The following FAM149A variants were observed in gnomAD, a reference collection of about 807,000 sequenced individuals.
FAM149A encodes the protein family with sequence similarity 149 member A, also known as protein FAM149A.
FAM149A carries 71 observed loss-of-function variants against 78.2 expected under a neutral mutation model. The observed-to-expected ratio is 0.91, with a 90% confidence interval of 0.75 to 1.11. FAM149A has a LOEUF of 1.11. Among genes scored for constraint, FAM149A ranks in the 50% least tolerant of loss-of-function variants. The pLI, the probability that FAM149A is intolerant of heterozygous loss-of-function variation, is 0.00. For missense variants in FAM149A, 1,036 were observed against 971.0 expected (o/e 1.07, Z -0.89); for synonymous variants, 446 against 410.5 (o/e 1.09, Z -1.04).
chr4:186,129,947 G>C (rs1398352577), intron 1 of FAM149A: 1 of 152,122 alleles, frequency 6.6e-6, no homozygotes, highest in African/African-American at 2.4e-5. Flanking sequence ...GAAGATTAAA[G>C]GCCACTCTGT....
intron 1 of FAM149A, among the ~76,000 whole-genome samples, chr4:186,127,939 C>T (rs1487717039): frequency 6.7e-6 from 1 of 148,772 alleles, no homozygotes; most frequent in African/African-American, 2.5e-5. Context: ...CCTCCCCACT[C>T]ACCTTCCCAA....
chr4:186,165,249 G>T, intron 10 of FAM149A, 95 bp from the exon 11 acceptor site: 2 of 1,400,818 alleles, frequency 1.4e-6, no homozygotes, highest in South Asian at 2.4e-5. Context: ...TGCCCCTCAC[G>T]CAGAAACATT....
intron 1 of FAM149A, among the ~76,000 whole-genome samples, chr4:186,108,593 T>A (rs2099309768): frequency 6.6e-6 from 1 of 152,128 alleles, no homozygotes; most frequent in South Asian, 2.1e-4. Flanking sequence ...CTGCCCCTTT[T>A]GCTCCACAGG....
At chr4:186,150,786 ATGTC>A in intron 3 of FAM149A, 1 of 150,088 alleles carries the variant, frequency 6.7e-6, no homozygotes. Flanking sequence ...CAGTGGTGCC[ATGTC>A]GGCTCACTGC....
At chr4:186,150,357 G>GTTTTTT (rs144215601) in intron 3 of FAM149A, among the ~76,000 whole-genome samples, 1 of 129,292 alleles carries the variant, frequency 7.7e-6, no homozygotes, top group Non-Finnish European at 1.7e-5. Context: ...TATGCTGGGT[G>GTTTTTT]TTTTGTTGTT....
intron 1 of FAM149A, among the ~76,000 whole-genome samples, chr4:186,121,624 A>T (rs2099316096): frequency 6.6e-6 from 1 of 152,152 alleles, no homozygotes; most frequent in African/African-American, 2.4e-5. Context: ...GGAGACATTG[A>T]TGGCAATTGA....
chr4:186,147,928 A>G (rs756874855), intron 1 of FAM149A, among the ~76,000 whole-genome samples: 56 of 152,184 alleles, frequency 3.7e-4, no homozygotes, highest in Admixed American at 1.2e-3. Flanking sequence ...CAACAAAGAG[A>G]ATAAAAACAA....
At chr4:186,133,019 C>T in intron 1 of FAM149A, 2 of 985,336 alleles carry the variant, frequency 2.0e-6, no homozygotes, top group Non-Finnish European at 2.4e-6. Flanking sequence ...ATAGAGCTGG[C>T]CTGCACTCAG....
At chr4:186,118,816 C>T (rs2099314790) in intron 1 of FAM149A, among the ~76,000 whole-genome samples, 2 of 152,150 alleles carry the variant, frequency 1.3e-5, no homozygotes, top group Admixed American at 1.3e-4. Flanking sequence ...GATGCAGCCT[C>T]CAGCCAAGCA....
chr4:186,150,498 C>T (rs1470311205), intron 3 of FAM149A, among the ~76,000 whole-genome samples: 7 of 132,674 alleles, frequency 5.3e-5, no homozygotes, highest in Admixed American at 3.1e-4. Flanking sequence ...CGGCTCACTG[C>T]AAGCTCCGCC....
chr4:186,143,607 G>A (rs1260748278), intron 1 of FAM149A, among the ~76,000 whole-genome samples: 1 of 152,054 alleles, frequency 6.6e-6, no homozygotes, highest in East Asian at 1.9e-4. Context: ...AGTGGGTGGG[G>A]CGATCTCCGC....
intron 1 of FAM149A, chr4:186,127,459 C>G (rs2099318805): frequency 2.0e-6 from 2 of 985,456 alleles, no homozygotes; most frequent in South Asian, 9.4e-5. Context: ...TGTCAAGAGG[C>G]TGGCCTCTCC....
intron 1 of FAM149A, among the ~76,000 whole-genome samples, chr4:186,121,191 AG>A (rs1167390828): frequency 6.6e-6 from 1 of 152,182 alleles, no homozygotes; most frequent in Admixed American, 6.5e-5. Context: ...GTAATGAGCA[AG>A]CATTGTCTTA....
chr4:186,166,649 TAAAAAA>T lies in FAM149A; in HGVS notation c.2011-301_2011-296del, dbSNP rs76402174. Among the ~76,000 whole-genome samples, 251 of 105,034 alleles carry T rather than the reference TAAAAAA, an allele frequency of 2.4e-3. 1 individual carries two copies. Among genetic ancestry groups the T allele is most frequent in the African/African-American group, 7.9e-3 (233 of 29,656 alleles). 68.9% of individuals were successfully genotyped at this position (105,034 alleles called of 152,430 possible). A position where few individuals can be genotyped will look rare whatever the true frequency, so the allele number is the denominator to read the frequency against. ...CTGGGTGACAGAGCGAGACTCTGTT[TAAAAAA>T]AAAAAAAAAAAAAAAAAGGCAAACA... On this transcript the variant is annotated intron_variant, in intron 11 of 13. Transcript: ENST00000389354.
rs192455031 is a variant in FAM149A, at chr4:186,140,092, G to A, written c.567-9081G>A. On this transcript the variant is annotated intron_variant, in intron 1 of 13. Coordinates refer to ENST00000389354, the MANE Select transcript of FAM149A (RefSeq NM_001367768.3). ...TCTCTAATTCACACAACTCTACAAG[G>A]AAGACAGTAATATTAGCCTTGTTTT... Among the ~76,000 whole-genome samples, 788 of 152,256 alleles carry A rather than the reference G, an allele frequency of 5.2e-3. 7 individuals are homozygous for A. Among genetic ancestry groups the A allele is most frequent in the South Asian group, 0.018 (87 of 4,816 alleles).
At chr4:186,145,997 GA>G (rs1303883724) in intron 1 of FAM149A, among the ~76,000 whole-genome samples, 42 of 141,828 alleles carry the variant, frequency 3.0e-4, no homozygotes, top group East Asian at 1.4e-3. Flanking sequence ...ATGTGAAAGA[GA>G]AAAAAAAAAA....
chr4:186,145,364 G>T (rs373103626), intron 1 of FAM149A, among the ~76,000 whole-genome samples: 61 of 152,266 alleles, frequency 4.0e-4, no homozygotes, highest in African/African-American at 1.4e-3. Flanking sequence ...GCTGAGGAGC[G>T]GCTTCCCATG....
chr4:186,109,843 A>G (rs1309600973), intron 1 of FAM149A: 1 of 985,406 alleles, frequency 1.0e-6, no homozygotes, highest in Non-Finnish European at 1.2e-6. Flanking sequence ...AGAACAAATT[A>G]TAGTACATGC....
intron 1 of FAM149A, chr4:186,147,021 C>T: frequency 1.0e-6 from 1 of 969,246 alleles, no homozygotes; most frequent in Non-Finnish European, 1.2e-6. Context: ...CTATATAATA[C>T]AAAATGCTAT....
Sources: allele counts gnomAD v4.1 joint callset (sites outside exome capture counted in the v4.1 genomes callset), GRCh38; gene constraint gnomAD v4.1.1; transcripts MANE v1.5; gene names NCBI Gene and HGNC (gene_info 2026-07-23, HGNC 2026-07-21).